The following PGR variants were observed in gnomAD, a reference collection of about 807,000 sequenced individuals.
The protein encoded by PGR is progesterone receptor.
In PGR, 25 loss-of-function variants were observed where a neutral mutation model predicts 76.1. That is an observed-to-expected ratio of 0.33 (90% confidence interval 0.24 to 0.46). PGR has a LOEUF of 0.46. PGR is among the 20% of genes least tolerant of loss of function. The probability of loss-of-function intolerance (pLI) is 1.00; values close to 1 mark genes in which losing one functional copy is unlikely to be tolerated. For synonymous variants in PGR, 579 were observed against 535.0 expected (o/e 1.08, Z -1.14); for missense variants, 1,172 against 1,225.3 (o/e 0.96, Z 0.65).
At chr11:101,090,983 C>A (rs1361376277) in intron 3 of PGR, among the ~76,000 whole-genome samples, 1 of 152,154 alleles carries the variant, frequency 6.6e-6, no homozygotes, top group Non-Finnish European at 1.5e-5. Flanking sequence ...TTAGCTTTAA[C>A]AATTATGTAA....
At chr11:101,080,094 G>C (rs1861253516) in intron 3 of PGR, among the ~76,000 whole-genome samples, 2 of 152,196 alleles carry the variant, frequency 1.3e-5, no homozygotes, top group Admixed American at 1.3e-4. Flanking sequence ...AGGTGGACCT[G>C]CTCGGTCCAA....
chr11:101,081,149 G>T (rs894087962), intron 3 of PGR, among the ~76,000 whole-genome samples: 2 of 152,130 alleles, frequency 1.3e-5, no homozygotes, highest in Non-Finnish European at 2.9e-5. Flanking sequence ...AACATCACTG[G>T]CTGGGCGTGG....
intron 2 of PGR, among the ~76,000 whole-genome samples, chr11:101,097,004 T>C (rs965539427): frequency 6.6e-6 from 1 of 152,058 alleles, no homozygotes; most frequent in Non-Finnish European, 1.5e-5. Flanking sequence ...GGCATAATGA[T>C]AAATAGGGGA....
intron 6 of PGR, among the ~76,000 whole-genome samples, chr11:101,042,772 G>A (rs910346118): frequency 2.0e-5 from 3 of 152,236 alleles, no homozygotes; most frequent in African/African-American, 4.8e-5. Flanking sequence ...TGAATCACAT[G>A]CATCTTTTTG....
intron 3 of PGR, among the ~76,000 whole-genome samples, chr11:101,076,415 T>C (rs192420278): frequency 6.6e-6 from 1 of 151,998 alleles, no homozygotes; most frequent in Non-Finnish European, 1.5e-5. Flanking sequence ...TGTATACCTA[T>C]GTAACAAACC....
intron 2 of PGR, among the ~76,000 whole-genome samples, chr11:101,123,576 T>C (rs973436011): frequency 2.4e-4 from 37 of 152,354 alleles, no homozygotes; most frequent in African/African-American, 8.7e-4. Context: ...ATTCAATGCT[T>C]AGTCAGTGTA....
chr11:101,077,733 G>T (rs1031984131), intron 3 of PGR, among the ~76,000 whole-genome samples: 1 of 152,122 alleles, frequency 6.6e-6, no homozygotes, highest in Admixed American at 6.6e-5. Flanking sequence ...GGTGTTTAGG[G>T]TAAACAACCA....
intron 2 of PGR, among the ~76,000 whole-genome samples, chr11:101,103,291 G>A (rs186059494): frequency 1.3e-4 from 20 of 152,160 alleles, no homozygotes; most frequent in African/African-American, 4.6e-4. Flanking sequence ...GATCTAAATA[G>A]TCTTTGGACT....
At chr11:101,100,132 C>A (rs1462435398) in intron 2 of PGR, among the ~76,000 whole-genome samples, 1 of 152,068 alleles carries the variant, frequency 6.6e-6, no homozygotes, top group Non-Finnish European at 1.5e-5. Context: ...TCCCATAATC[C>A]CCCCATGTTG....
rs1859511189 is a variant in PGR at position 101,036,221 on chromosome 11, A to T, written c.*2895T>A. 1 of 221,384 alleles carries T rather than the reference A, an allele frequency of 4.5e-6. No individual in the cohort carries two copies. Among genetic ancestry groups the T allele is most frequent in the Admixed American group, 5.8e-5 (1 of 17,342 alleles). The allele number at this position is 221,384 out of a possible 1,614,324, so 13.7% of individuals were successfully genotyped here. ...AAAAAATATTGTTCATCATATTTCC[A>T]TATCATCTGTATAGCAATAAATTAT... On this transcript the variant is annotated 3_prime_UTR_variant, in exon 8 of 8. Coordinates refer to ENST00000325455, the MANE Select transcript of PGR (RefSeq NM_000926.4).
At chr11:101,062,784 A>AAT (rs1428139578) in intron 3 of PGR, 32 bp from the exon 4 acceptor site, 1 of 1,462,364 alleles carries the variant, frequency 6.8e-7, no homozygotes, top group African/African-American at 1.4e-5. Context: ...AATTCATGTA[A>AAT]ATATATATAA....
chr11:101,099,124 A>G (rs1861922836), intron 2 of PGR, among the ~76,000 whole-genome samples: 1 of 152,230 alleles, frequency 6.6e-6, no homozygotes, highest in South Asian at 2.1e-4. Flanking sequence ...AAGAATATTT[A>G]TAGCAGCAGT....
intron 2 of PGR, among the ~76,000 whole-genome samples, chr11:101,099,085 T>A (rs1405996270): frequency 1.3e-5 from 2 of 152,168 alleles, no homozygotes; most frequent in African/African-American, 4.8e-5. Context: ...GACAGGTGTG[T>A]CCACATGCAA....
intron 6 of PGR, among the ~76,000 whole-genome samples, chr11:101,046,907 T>A (rs1859906613): frequency 6.6e-6 from 1 of 152,166 alleles, no homozygotes; most frequent in African/African-American, 2.4e-5. Context: ...AGCTTTCTAA[T>A]TCCCTGCATA....
intron 2 of PGR, among the ~76,000 whole-genome samples, chr11:101,122,354 A>G (rs972268429): frequency 2.6e-5 from 4 of 152,214 alleles, no homozygotes; most frequent in African/African-American, 9.6e-5. Flanking sequence ...ATCAGTTATG[A>G]TGACTGGATC....
intron 3 of PGR, among the ~76,000 whole-genome samples, chr11:101,071,126 G>C (rs1188288598): frequency 1.3e-5 from 2 of 152,130 alleles, no homozygotes; most frequent in Non-Finnish European, 2.9e-5. Flanking sequence ...CCAGAGGAAG[G>C]AACAGGCAGC....
At chr11:101,078,051 A>G (rs1861181271) in intron 3 of PGR, among the ~76,000 whole-genome samples, 2 of 152,344 alleles carry the variant, frequency 1.3e-5, no homozygotes, top group South Asian at 4.1e-4. Flanking sequence ...CAGTTCTTCC[A>G]AAGAAGACTT....
At chr11:101,100,139 G>A (rs911598797) in intron 2 of PGR, among the ~76,000 whole-genome samples, 1 of 152,192 alleles carries the variant, frequency 6.6e-6, no homozygotes, top group Admixed American at 6.5e-5. Context: ...ATCCCCCCAT[G>A]TTGTGGGAGG....
chr11:101,065,307 AAT>A (rs1860674974), intron 3 of PGR, among the ~76,000 whole-genome samples: 1 of 152,232 alleles, frequency 6.6e-6, no homozygotes, highest in Non-Finnish European at 1.5e-5. Flanking sequence ...CTTAAAAAAG[AAT>A]ATGAGAAGAG....
Sources: allele counts gnomAD v4.1 joint callset (sites outside exome capture counted in the v4.1 genomes callset), GRCh38; gene constraint gnomAD v4.1.1; transcripts MANE v1.5; gene names NCBI Gene and HGNC (gene_info 2026-07-23, HGNC 2026-07-21).